The following GPC5 variants were observed in gnomAD, a reference collection of about 807,000 sequenced individuals.
GPC5 encodes the protein glypican-5.
GPC5 carries 47 observed loss-of-function variants against 53.9 expected under a neutral mutation model. That is an observed-to-expected ratio of 0.87 (90% confidence interval 0.69 to 1.11). The LOEUF (loss-of-function observed/expected upper bound fraction) is 1.11. GPC5 is among the 50% of genes most tolerant of loss of function. The pLI is 0.00. For synonymous variants in GPC5, 286 were observed against 263.3 expected, an observed-to-expected ratio of 1.09 and a Z score of -0.84; for missense variants, 748 against 713.1, an observed-to-expected ratio of 1.05 and a Z score of -0.56.
intron 5 of GPC5, among the ~76,000 whole-genome samples, chr13:91,764,010 A>T (rs2037471518): frequency 6.6e-6 from 1 of 152,164 alleles, no homozygotes; most frequent in African/African-American, 2.4e-5. Flanking sequence ...CTGTTTTTTA[A>T]AACTTGGTGT....
chr13:92,743,910 C>G (rs948404300), intron 7 of GPC5, among the ~76,000 whole-genome samples: 7 of 152,042 alleles, frequency 4.6e-5, no homozygotes, highest in Non-Finnish European at 8.8e-5. Flanking sequence ...TATGTTGAAC[C>G]AGCCTTGCAC....
chr13:91,725,896 C>A (rs1473715747), intron 3 of GPC5, among the ~76,000 whole-genome samples: 4 of 152,038 alleles, frequency 2.6e-5, no homozygotes, highest in Non-Finnish European at 5.9e-5. Flanking sequence ...AACCCTATGA[C>A]AAGGCACACT....
intron 7 of GPC5, among the ~76,000 whole-genome samples, chr13:92,669,097 C>A (rs1205717515): frequency 6.6e-6 from 1 of 152,016 alleles, no homozygotes; most frequent in Non-Finnish European, 1.5e-5. Flanking sequence ...TCCATATATG[C>A]TCAGTAAGTT....
At chr13:91,486,981 G>T (rs1182932790) in intron 2 of GPC5, 1 of 152,130 alleles carries the variant, frequency 6.6e-6, no homozygotes, top group Non-Finnish European at 1.5e-5. Flanking sequence ...ACTGATGTGG[G>T]GGCTAGGGAA....
At chr13:91,610,769 C>T (rs986847260) in intron 2 of GPC5, among the ~76,000 whole-genome samples, 2 of 152,154 alleles carry the variant, frequency 1.3e-5, no homozygotes, top group African/African-American at 4.8e-5. Flanking sequence ...AATAATGACA[C>T]TTTTAAGTAT....
intron 7 of GPC5, among the ~76,000 whole-genome samples, chr13:92,314,625 TAGGAATGTGAAAAGAAATAACGCTATCC>T (rs762318312): frequency 2.0e-3 from 312 of 152,316 alleles, no homozygotes; most frequent in Middle Eastern, 3.4e-3. Context: ...TGTGTTTCTA[TAGGAATGTGAAAAGAAATAACGCTATCC>T]ATCTACTGCA....
chr13:92,034,266 C>T (rs1002455729), intron 6 of GPC5, among the ~76,000 whole-genome samples: 3 of 152,008 alleles, frequency 2.0e-5, no homozygotes, highest in Non-Finnish European at 2.9e-5. Flanking sequence ...GAGGCTGAGG[C>T]GGGTGGATCA....
intron 7 of GPC5, among the ~76,000 whole-genome samples, chr13:92,216,314 C>T (rs2042409763): frequency 6.6e-6 from 1 of 152,156 alleles, no homozygotes; most frequent in African/African-American, 2.4e-5. Flanking sequence ...CCCATTGACA[C>T]AATGAGTATT....
rs1229687632 is a variant in GPC5 at position 91,728,462 on chromosome 13, A to G, written c.1021-70A>G. On this transcript the variant is annotated intron_variant, in intron 3 of 7. Transcript: ENST00000377067. ...AAAACGTGTCATTGTTTTGGGCCCT[A>G]TGAAACATCACATTCTCAGAAAGGT... 11 of 1,495,214 alleles carry G rather than the reference A, an allele frequency of 7.4e-6. No homozygotes were observed. In the Admixed American group the frequency reaches 9.8e-5, roughly 13 times the overall value. The allele number at this position is 1,495,214 out of a possible 1,614,324, so 92.6% of individuals were successfully genotyped here.
chr13:92,208,727 T>C (rs9589452), intron 7 of GPC5, among the ~76,000 whole-genome samples: 4,556 of 152,310 alleles, frequency 0.03, 231 homozygotes, highest in African/African-American at 0.1. Context: ...CTGTATTTAT[T>C]TGCAAAAATT....
chr13:91,869,048 T>C (rs2039115449), intron 5 of GPC5, among the ~76,000 whole-genome samples: 1 of 152,066 alleles, frequency 6.6e-6, no homozygotes, highest in South Asian at 2.1e-4. Context: ...GTTTCGTTTG[T>C]TTTGTTTTGT....
chr13:91,909,431 T>G (rs2139000017), intron 6 of GPC5, among the ~76,000 whole-genome samples: 1 of 152,286 alleles, frequency 6.6e-6, no homozygotes, highest in South Asian at 2.1e-4. Flanking sequence ...TAGTGGTTTC[T>G]TAAGTGGGAT....
At chr13:91,493,687 C>T (rs1884066447) in intron 2 of GPC5, among the ~76,000 whole-genome samples, 1 of 152,188 alleles carries the variant, frequency 6.6e-6, no homozygotes, top group Non-Finnish European at 1.5e-5. Flanking sequence ...TCCATTTGCT[C>T]TTCCATGTTC....
intron 7 of GPC5, among the ~76,000 whole-genome samples, chr13:92,684,007 G>A (rs2139225747): frequency 6.6e-6 from 1 of 152,204 alleles, no homozygotes; most frequent in Non-Finnish European, 1.5e-5. Context: ...TACCCATCAT[G>A]ACAATATTAC....
intron 5 of GPC5, among the ~76,000 whole-genome samples, chr13:91,763,118 G>A (rs2037449336): frequency 6.6e-6 from 1 of 152,136 alleles, no homozygotes; most frequent in South Asian, 2.1e-4. Flanking sequence ...GCATTAGTGA[G>A]AACTAAGAGA....
At chr13:91,428,755 A>G (rs1879233093) in intron 1 of GPC5, among the ~76,000 whole-genome samples, 1 of 152,082 alleles carries the variant, frequency 6.6e-6, no homozygotes, top group South Asian at 2.1e-4. Context: ...GTTAATGTGA[A>G]GTTTTAAGTG....
At chr13:92,207,107 C>G (rs117243645) in intron 7 of GPC5, among the ~76,000 whole-genome samples, 2,139 of 152,270 alleles carry the variant, frequency 0.014, 29 homozygotes, top group Admixed American at 0.042. Context: ...AACTTTTCTA[C>G]CTTGGAAGGG....
chr13:91,607,951 A>G (rs970242625), intron 2 of GPC5, among the ~76,000 whole-genome samples: 1 of 152,190 alleles, frequency 6.6e-6, no homozygotes, highest in South Asian at 2.1e-4. Context: ...ATTTTCTGAG[A>G]TTCTTTCGAA....
chr13:92,177,424 A>G (rs963542158), intron 7 of GPC5, among the ~76,000 whole-genome samples: 10 of 152,214 alleles, frequency 6.6e-5, no homozygotes, highest in African/African-American at 2.4e-4. Flanking sequence ...TCTTGATGGA[A>G]AGTTGATCTT....
Sources: allele counts gnomAD v4.1 joint callset (sites outside exome capture counted in the v4.1 genomes callset), GRCh38; gene constraint gnomAD v4.1.1; transcripts MANE v1.5; gene names NCBI Gene and HGNC (gene_info 2026-07-23, HGNC 2026-07-21).